Variants in UBE2N observed in about 807,000 individuals in gnomAD.
UBE2N encodes ubiquitin conjugating enzyme E2 N.
For missense variants in UBE2N, 60 were observed against 192.1 expected (o/e 0.31, Z 4.07); for synonymous variants, 70 against 69.2 (o/e 1.01, Z -0.06).
intron 1 of UBE2N, among the ~76,000 whole-genome samples, chr12:93,418,132 T>C (rs1878279883): frequency 6.7e-6 from 1 of 149,280 alleles, no homozygotes; most frequent in African/African-American, 2.6e-5. Flanking sequence ...CTTGGCCCAA[T>C]AAGTGAGCAT....
At chr12:93,439,235 C>T (rs1054881987) in intron 1 of UBE2N, among the ~76,000 whole-genome samples, 1 of 152,198 alleles carries the variant, frequency 6.6e-6, no homozygotes, top group African/African-American at 2.4e-5. Flanking sequence ...GCCTGTGATC[C>T]CAGCACTGTG....
intron 1 of UBE2N, among the ~76,000 whole-genome samples, chr12:93,426,710 T>C (rs1345612843): frequency 6.6e-6 from 1 of 152,186 alleles, no homozygotes; most frequent in Non-Finnish European, 1.5e-5. Context: ...AAGTCAGATA[T>C]AAAGTCAATC....
chr12:93,438,520 G>A (rs551295043), intron 1 of UBE2N, among the ~76,000 whole-genome samples: 1 of 152,136 alleles, frequency 6.6e-6, no homozygotes, highest in South Asian at 2.1e-4. Context: ...AGAGAGAAGT[G>A]CAGATGCGCT....
intron 1 of UBE2N, 98 bp downstream of exon 1, chr12:93,441,757 A>G: frequency 6.6e-7 from 1 of 1,509,758 alleles, no homozygotes; most frequent in Non-Finnish European, 8.9e-7. Context: ...GGCCTCCCAG[A>G]GCGGGCCGCG....
intron 1 of UBE2N, among the ~76,000 whole-genome samples, chr12:93,432,933 GT>G (rs71071735): frequency 7.5e-6 from 1 of 132,654 alleles, no homozygotes; most frequent in Non-Finnish European, 1.6e-5. Context: ...CTTCATTCAG[GT>G]TTTTTTTTTT....
chr12:93,438,638 G>A (rs941641016), intron 1 of UBE2N, among the ~76,000 whole-genome samples: 1 of 152,054 alleles, frequency 6.6e-6, no homozygotes, highest in African/African-American at 2.4e-5. Context: ...TTTTAGCAGG[G>A]GAGTAACATG....
Position 93,441,848 on chromosome 12 carries a change from C to A in UBE2N, c.30+7G>T, listed in dbSNP as rs1473909856. 1 of 1,578,838 alleles carries A rather than the reference C, an allele frequency of 6.3e-7. No homozygotes were observed. The highest frequency in any genetic ancestry group is 1.1e-5 in the South Asian group (1 of 87,556). On this transcript the variant is annotated splice_region_variant and intron_variant, in intron 1 of 3. Coordinates refer to ENST00000318066, the MANE Select transcript of UBE2N (RefSeq NM_003348.4). ...GCGAAGAGCTGGAGGCCGGCCTGGG[C>A]GGTTACCTTGATGATCCTGCGGGGC...
chr12:93,427,801 T>G (rs1380706694), intron 1 of UBE2N, among the ~76,000 whole-genome samples: 1 of 152,230 alleles, frequency 6.6e-6, no homozygotes, highest in African/African-American at 2.4e-5. Context: ...CAATATTCAG[T>G]GAGATTTTGG....
At chr12:93,426,465 C>A (rs1386504707) in intron 1 of UBE2N, among the ~76,000 whole-genome samples, 3 of 146,430 alleles carry the variant, frequency 2.0e-5, no homozygotes, top group Admixed American at 6.8e-5. Context: ...TGTAAGTAAA[C>A]AGTTTTCTTG....
intron 1 of UBE2N, 112 bp from the exon 2 acceptor site, chr12:93,411,411 C>T: frequency 7.1e-7 from 1 of 1,414,898 alleles, no homozygotes; most frequent in South Asian, 1.6e-5. Context: ...CAGCTCCAAT[C>T]TCCCAACAGA....
chr12:93,430,487 G>A (rs1456035036), intron 1 of UBE2N, among the ~76,000 whole-genome samples: 1 of 152,078 alleles, frequency 6.6e-6, no homozygotes, highest in Non-Finnish European at 1.5e-5. Context: ...TGGGTGGGGA[G>A]GGGGAGGAAA....
intron 1 of UBE2N, among the ~76,000 whole-genome samples, chr12:93,413,659 A>G (rs1203478940): frequency 6.6e-6 from 1 of 152,164 alleles, no homozygotes; most frequent in African/African-American, 2.4e-5. Context: ...CATATGCCAC[A>G]CACATCTAGC....
At position 93,408,397 on chromosome 12, in the gene UBE2N, A is replaced by C. The variant is rs1375124053; in HGVS notation, c.*1642T>G. The C allele has an allele frequency of 6.6e-6, 1 of 152,200 alleles. No homozygotes were observed. The highest frequency in any genetic ancestry group is 6.5e-5 in the Admixed American group (1 of 15,278). The allele number at this position is 152,200 out of a possible 1,614,324, so 9.4% of individuals were successfully genotyped here. A position where few individuals can be genotyped will look rare whatever the true frequency, so the allele number is the denominator to read the frequency against. ...TGTTGAAAATGTAATTTTAATAGTT[A>C]ATTCTTCATCTTACATAGGAGCACA... On this transcript the variant is annotated 3_prime_UTR_variant, in exon 4 of 4. Coordinates refer to ENST00000318066, the MANE Select transcript of UBE2N (RefSeq NM_003348.4).
At position 93,409,925 on chromosome 12, in the gene UBE2N, T is replaced by C. The variant is rs1006170751; in HGVS notation, c.*114A>G. The C allele has an allele frequency of 2.9e-6, 3 of 1,029,976 alleles. No homozygotes were observed. The highest frequency in any genetic ancestry group is 4.4e-6 in the Non-Finnish European group (3 of 682,974). 63.8% of individuals were successfully genotyped at this position (1,029,976 alleles called of 1,614,324 possible). On this transcript the variant is annotated 3_prime_UTR_variant, in exon 4 of 4. Coordinates refer to ENST00000318066, the MANE Select transcript of UBE2N (RefSeq NM_003348.4). ...TTTAATCACCAAAGGACTGAAGATG[T>C]CTGGGCTTTTTTATTCTGTAATGTT...
intron 1 of UBE2N, among the ~76,000 whole-genome samples, chr12:93,422,723 GTTTT>G (rs1878455645): frequency 6.6e-6 from 1 of 151,362 alleles, no homozygotes; most frequent in Admixed American, 6.6e-5. Context: ...TAGATTGTGG[GTTTT>G]TTCTTTCATA....
intron 1 of UBE2N, among the ~76,000 whole-genome samples, chr12:93,415,435 C>T (rs1306969067): frequency 1.3e-5 from 2 of 151,986 alleles, no homozygotes; most frequent in African/African-American, 2.4e-5. Context: ...TTGATCATGG[C>T]GATGTAAGAG....
chr12:93,422,586 A>G (rs990033524), intron 1 of UBE2N, among the ~76,000 whole-genome samples: 1 of 152,194 alleles, frequency 6.6e-6, no homozygotes, highest in African/African-American at 2.4e-5. Flanking sequence ...ATTCATCTTG[A>G]ATTAAAATTA....
intron 1 of UBE2N, among the ~76,000 whole-genome samples, chr12:93,440,938 G>A (rs57402123): frequency 0.081 from 12,389 of 152,114 alleles, 1,579 homozygotes; most frequent in African/African-American, 0.27. Context: ...GATTTCACGA[G>A]ATCCCCCACA....
Position 93,417,496 on chromosome 12 carries a change from A to C in UBE2N, c.31-6197T>G, listed in dbSNP as rs7311222. Among the ~76,000 whole-genome samples the C allele has an allele frequency of 1.3e-4, 20 of 152,128 alleles. No homozygotes were observed. The East Asian group carries it at 3.9e-3, about 29-fold the overall frequency. On this transcript the variant is annotated intron_variant, in intron 1 of 3. Transcript: ENST00000318066. ...GGGTAATAAACAGTATTCTTAGAAAAAGTGCTAATTTGTGTGTGAGAAAAG... is the reference window on the plus strand; with the variant it reads ...GGGTAATAAACAGTATTCTTAGAAACAGTGCTAATTTGTGTGTGAGAAAAG...
Sources: allele counts gnomAD v4.1 joint callset (sites outside exome capture counted in the v4.1 genomes callset), GRCh38; gene constraint gnomAD v4.1.1; transcripts MANE v1.5; gene names NCBI Gene and HGNC (gene_info 2026-07-23, HGNC 2026-07-21).